VWA8: variants seen among roughly 807,000 people sequenced by gnomAD.
VWA8 encodes the protein von Willebrand factor A domain containing 8, also known as von Willebrand factor A domain-containing protein 8.
In VWA8, 221 loss-of-function variants were observed where a neutral mutation model predicts 241.5. The ratio of observed to expected loss-of-function variants is 0.91; its 90% CI spans 0.82 to 1.02. VWA8 has a LOEUF of 1.02. VWA8 is among the 50% of genes least tolerant of loss of function. The pLI, the probability that VWA8 is intolerant of heterozygous loss-of-function variation, is 0.00. For synonymous variants in VWA8, 852 were observed against 827.1 expected (o/e 1.03, Z -0.52); for missense variants, 2,322 against 2,328.7 (o/e 1.00, Z 0.06).
intron 20 of VWA8, among the ~76,000 whole-genome samples, chr13:41,774,651 C>T (rs974667630): frequency 1.3e-5 from 2 of 152,114 alleles, no homozygotes; most frequent in African/African-American, 4.8e-5. Context: ...AGAGTGCAGT[C>T]AAGCCTTCAA....
intron 12 of VWA8, among the ~76,000 whole-genome samples, chr13:41,856,140 A>G (rs916028416): frequency 1.3e-5 from 2 of 152,176 alleles, no homozygotes; most frequent in African/African-American, 4.8e-5. Flanking sequence ...GTTTAAGACC[A>G]GCCTGGCCAA....
chr13:41,722,442 T>C (rs1228337682), intron 24 of VWA8, among the ~76,000 whole-genome samples: 1 of 152,186 alleles, frequency 6.6e-6, no homozygotes, highest in South Asian at 2.1e-4. Context: ...AATAAGATCT[T>C]ACTTTGATTT....
chr13:41,828,625 TGAGAAA>T (rs756703045), intron 14 of VWA8, among the ~76,000 whole-genome samples: 27 of 152,216 alleles, frequency 1.8e-4, no homozygotes, highest in Non-Finnish European at 3.2e-4. Context: ...GTTCTCACTC[TGAGAAA>T]GAGAGAGAAA....
chr13:41,898,706 A>C (rs1875265468), intron 4 of VWA8, among the ~76,000 whole-genome samples: 1 of 152,192 alleles, frequency 6.6e-6, no homozygotes, highest in South Asian at 2.1e-4. Flanking sequence ...GGCGGGCTGC[A>C]GTCCCGAGGC....
chr13:41,909,539 T>C (rs1294467391), intron 3 of VWA8, among the ~76,000 whole-genome samples: 5 of 152,224 alleles, frequency 3.3e-5, no homozygotes, highest in African/African-American at 1.2e-4. Context: ...ATCACTAGTA[T>C]CTTCATGTCT....
intron 43 of VWA8, among the ~76,000 whole-genome samples, chr13:41,571,326 C>T (rs1027845753): frequency 1.9e-5 from 2 of 104,736 alleles, no homozygotes; most frequent in African/African-American, 7.4e-5. Context: ...TCTCCCTCTC[C>T]CGTCTCCCTC....
At chr13:41,613,535 A>G (rs2044602894) in intron 38 of VWA8, among the ~76,000 whole-genome samples, 1 of 152,148 alleles carries the variant, frequency 6.6e-6, no homozygotes, top group Non-Finnish European at 1.5e-5. Context: ...TTCTGGTGAA[A>G]GGGAGAAAGT....
At chr13:41,817,715 C>G (rs1870759802) in intron 15 of VWA8, among the ~76,000 whole-genome samples, 1 of 152,122 alleles carries the variant, frequency 6.6e-6, no homozygotes, top group Non-Finnish European at 1.5e-5. Context: ...ACATTGAGAG[C>G]CAAGTCATTA....
intron 37 of VWA8, among the ~76,000 whole-genome samples, chr13:41,667,749 C>G (rs2044996240): frequency 1.3e-5 from 2 of 151,984 alleles, no homozygotes; most frequent in African/African-American, 4.8e-5. Context: ...TTAAATATAG[C>G]CAGAAGAATT....
chr13:41,716,765 A>G (rs2045350393), intron 26 of VWA8, among the ~76,000 whole-genome samples: 1 of 152,132 alleles, frequency 6.6e-6, no homozygotes, highest in Non-Finnish European at 1.5e-5. Context: ...GCAAAAAGAT[A>G]CTAATAGTAT....
At chr13:41,853,042 T>C (rs1872587183) in intron 12 of VWA8, among the ~76,000 whole-genome samples, 1 of 152,144 alleles carries the variant, frequency 6.6e-6, no homozygotes, top group African/African-American at 2.4e-5. Flanking sequence ...TTGGGTGGTA[T>C]CGTTAGTGTT....
intron 4 of VWA8, among the ~76,000 whole-genome samples, chr13:41,894,812 C>A (rs971578249): frequency 1.3e-5 from 2 of 151,960 alleles, no homozygotes; most frequent in Admixed American, 1.3e-4. Context: ...AATATGATAC[C>A]CTGAGATGGG....
rs1414406787 is a variant in VWA8, at chr13:41,568,060, G to GT, written c.*136dup. On this transcript the variant is annotated 3_prime_UTR_variant, in exon 45 of 45. Transcript: ENST00000379310. ...TCTGAATTCTCATTACGGAGCAAGT[G>GT]TAGGAAGACCCAGGAATGCCGGAAT... 1 of 700,494 alleles carries GT rather than the reference G, an allele frequency of 1.4e-6. No homozygotes were observed. Among genetic ancestry groups the GT allele is most frequent in the African/African-American group, 1.8e-5 (1 of 56,074 alleles). 43.4% of individuals were successfully genotyped at this position (700,494 alleles called of 1,614,324 possible). A position where few individuals can be genotyped will look rare whatever the true frequency, so the allele number is the denominator to read the frequency against.
chr13:41,638,808 T>C (rs953056472), intron 37 of VWA8, among the ~76,000 whole-genome samples: 27 of 152,076 alleles, frequency 1.8e-4, no homozygotes, highest in South Asian at 6.2e-4. Context: ...GTGAGATCTG[T>C]GGGGTTCAGA....
intron 17 of VWA8, among the ~76,000 whole-genome samples, chr13:41,787,914 T>C (rs962291549): frequency 1.3e-5 from 2 of 152,192 alleles, no homozygotes; most frequent in Non-Finnish European, 2.9e-5. Flanking sequence ...CTGTTCTAGG[T>C]TGGCAATCAT....
chr13:41,795,117 C>T (rs1262808534), intron 17 of VWA8, among the ~76,000 whole-genome samples: 3 of 151,990 alleles, frequency 2.0e-5, no homozygotes, highest in African/African-American at 4.8e-5. Flanking sequence ...AAAAAACCCA[C>T]CCCATTAAAA....
chr13:41,702,615 A>C (rs1242023988), intron 27 of VWA8, among the ~76,000 whole-genome samples: 2 of 152,086 alleles, frequency 1.3e-5, no homozygotes, highest in Non-Finnish European at 2.9e-5. Flanking sequence ...AGCCACTTCC[A>C]TTTGTTTACG....
chr13:41,721,403 G>A lies in VWA8; in HGVS notation c.2931C>T (p.Thr977=). 1 of 1,613,726 alleles carries A rather than the reference G, an allele frequency of 6.2e-7. No homozygotes were observed. The highest frequency in any genetic ancestry group is 1.1e-5 in the South Asian group (1 of 91,060). ...DQGIINYPYS[T]REVVNIVKHL... ...GTTTGACTATGTTGACAACTTCTCTGGTAGAATAAGGATAGTTAATAATCC... is the reference window on the plus strand; with the variant it reads ...GTTTGACTATGTTGACAACTTCTCTAGTAGAATAAGGATAGTTAATAATCC... The change falls in exon 25 of 45, where the codon ACC becomes ACT. Residue 977 remains threonine (T), a synonymous_variant. Transcript: ENST00000379310.
At chr13:41,914,328 C>T (rs956268494) in intron 2 of VWA8, among the ~76,000 whole-genome samples, 3 of 152,140 alleles carry the variant, frequency 2.0e-5, no homozygotes, top group Non-Finnish European at 4.4e-5. Context: ...AAATACTGCT[C>T]TAAGAACCTA....
Sources: gnomAD v4.1 joint callset for allele counts (sites outside exome capture counted in the v4.1 genomes callset) on GRCh38, gnomAD v4.1.1 for gene constraint, MANE v1.5 for transcripts, NCBI Gene and HGNC (gene_info 2026-07-23, HGNC 2026-07-21) for gene names.